Variants in KRT6C observed in about 807,000 individuals in gnomAD.
KRT6C encodes the protein keratin, type II cytoskeletal 6C.
A neutral mutation model predicts 49.4 loss-of-function variants in KRT6C; 46 were observed. The ratio of observed to expected loss-of-function variants is 0.93; its 90% CI spans 0.74 to 1.19. The LOEUF (loss-of-function observed/expected upper bound fraction) is 1.19. Among genes scored for constraint, KRT6C ranks in the 50% most tolerant of loss-of-function variants. The pLI, the probability that KRT6C is intolerant of heterozygous loss-of-function variation, is 0.00. For missense variants in KRT6C, 552 were observed against 737.5 expected (o/e 0.75, Z 2.91); for synonymous variants, 236 against 297.1 (o/e 0.79, Z 2.12).
In KRT6C at chr12:52,471,726, C is replaced by T; in HGVS notation, c.762G>A (p.Glu254=). 1.2e-6 allele frequency: 2 copies of T among 1,613,732 alleles called. No individual in the cohort carries two copies. Among genetic ancestry groups the T allele is most frequent in the Non-Finnish European group, 1.7e-6 (2 of 1,179,812 alleles). ...DLVEDLKNKY[E]DEINKRTAAE... Reference sequence around the variant, plus strand: ...CTGCTGTGCGCTTGTTGATTTCATCCTCATATCTACAGGAAGAAAGGCATA... The same window carrying T: ...CTGCTGTGCGCTTGTTGATTTCATCTTCATATCTACAGGAAGAAAGGCATA... Residue 254 remains glutamate, a synonymous_variant, in exon 3 of 9, where the codon GAG becomes GAA. Coordinates refer to ENST00000252250, the MANE Select transcript of KRT6C (RefSeq NM_173086.5).
chr12:52,468,748 T>G lies in KRT6C; in HGVS notation c.*314A>C. 2 of 376,528 alleles carry G rather than the reference T, an allele frequency of 5.3e-6. No homozygotes were observed. 23.3% of individuals were successfully genotyped at this position (376,528 alleles called of 1,614,324 possible). On this transcript the variant is annotated 3_prime_UTR_variant, in exon 9 of 9. Transcript: ENST00000252250. Reference sequence around the variant, plus strand: ...TTTCAGTAATGAAAAGGAACAGAGATCATTTTCTTATAATGCTCAGCCTCA... The same window carrying G: ...TTTCAGTAATGAAAAGGAACAGAGAGCATTTTCTTATAATGCTCAGCCTCA...
rs147501308 is a variant in KRT6C, at chr12:52,469,073, A to T, written c.1684T>A (p.Tyr562Asn). The change falls in exon 9 of 9, where the codon TAC becomes AAC. Residue 562 changes from tyrosine to asparagine, a missense_variant. Around this residue, in one of 3 missense-constraint regions of KRT6C, gnomAD observed 425 missense variants for 439.4 expected, o/e 0.97. Transcript: ENST00000252250. The part of the protein sequence containing the change: ...TTTSSSSRKS[Y>N]KH ...CTGGAGGCAGCACTTTAGTGCTTGT[A>T]GCTCTTCCTGCTGGAGGAGGAGGTG... 6.2e-7 allele frequency: 1 copy of T among 1,614,112 alleles called. No homozygotes were observed. Among genetic ancestry groups the T allele is most frequent in the Non-Finnish European group, 8.5e-7 (1 of 1,179,994 alleles).
chr12:52,470,573 G>T lies in KRT6C; in HGVS notation c.1135C>A (p.Gln379Lys). Residue 379 changes from glutamine (Q) to lysine (K), a missense_variant, in exon 6 of 9, where the codon CAG becomes AAG. Around this residue, in one of 3 missense-constraint regions of KRT6C, gnomAD observed 425 missense variants for 439.4 expected, o/e 0.97. Coordinates refer to ENST00000252250, the MANE Select transcript of KRT6C (RefSeq NM_173086.5). ...RHGDDLRNTK[Q>K]EIAEINRMIQ... is the part of the protein sequence containing the mutation. ...ATGCGGTTGATCTCAGCAATCTCCT[G>T]CTTGGTGTTGCGCAGGTCGTCCCCA... 1.9e-6 allele frequency: 3 copies of T among 1,614,052 alleles called. No individual in the cohort carries two copies. The highest frequency in any genetic ancestry group is 2.5e-6 in the Non-Finnish European group (3 of 1,180,030).
rs77737438 is a variant in KRT6C at position 52,468,596 on chromosome 12, T to A, written c.*466A>T. The A allele has an allele frequency of 2.5e-3, 511 of 206,262 alleles. 2 individuals are homozygous for A. The highest frequency in any genetic ancestry group is 3.8e-3 in the Non-Finnish European group (389 of 101,118). 12.8% of individuals were successfully genotyped at this position (206,262 alleles called of 1,614,324 possible). A position where few individuals can be genotyped will look rare whatever the true frequency, so the allele number is the denominator to read the frequency against. On this transcript the variant is annotated 3_prime_UTR_variant, in exon 9 of 9. Coordinates refer to ENST00000252250, the MANE Select transcript of KRT6C (RefSeq NM_173086.5). The stretch of plus-strand genomic sequence containing the variant: ...ATCACAGGGAGAAAGACTGTGTACA[T>A]CATACGACTAGTCACTTGTGCTTCC...
In KRT6C at chr12:52,468,648, A is replaced by T. The variant is rs1247480845; in HGVS notation, c.*414T>A. On this transcript the variant is annotated 3_prime_UTR_variant, in exon 9 of 9. Coordinates refer to ENST00000252250, the MANE Select transcript of KRT6C (RefSeq NM_173086.5). ...TGCATACTGCGGGGCGGGGGTTCAC[A>T]ATACTTTTAACTTAGGGAGTTTGGG... 1 of 255,968 alleles carries T rather than the reference A, an allele frequency of 3.9e-6. No homozygotes were observed. Among genetic ancestry groups the T allele is most frequent in the Admixed American group, 5.0e-5 (1 of 19,888 alleles). 15.9% of individuals were successfully genotyped at this position (255,968 alleles called of 1,614,324 possible).
rs117030701 is a variant in KRT6C at position 52,472,116 on chromosome 12, C to T, written c.705G>A (p.Leu235=). 133,239 of 1,596,392 alleles carry T rather than the reference C, an allele frequency of 0.083. 7,586 individuals are homozygous for T. The highest frequency in any genetic ancestry group is 0.097 in the Non-Finnish European group (113,700 of 1,171,938). Reference sequence around the variant, plus strand: ...CCTGCATGTTTCTCAGCTCCGAGTCCAGGCGGCCCCGTTCCCCGACGATGC... The same window carrying T: ...CCTGCATGTTTCTCAGCTCCGAGTCTAGGCGGCCCCGTTCCCCGACGATGC... The part of the protein sequence containing the change: ...LDSIVGERGR[L]DSELRNMQDL... Residue 235 remains leucine, a synonymous_variant, in exon 2 of 9, where the codon CTG becomes CTA. Transcript: ENST00000252250.
In KRT6C at chr12:52,472,139, T is replaced by C. The variant is rs1486622558; in HGVS notation, c.682A>G (p.Ile228Val). The C allele has an allele frequency of 6.5e-7, 1 of 1,543,580 alleles. No homozygotes were observed. The highest frequency in any genetic ancestry group is 8.9e-7 in the Non-Finnish European group (1 of 1,124,382). The change falls in exon 2 of 9, where the codon ATC becomes GTC. Residue 228 changes from isoleucine to valine, a missense_variant. By Grantham distance (29) the Ile-to-Val change is conservative (BLOSUM62 3). Coordinates refer to ENST00000252250, the MANE Select transcript of KRT6C (RefSeq NM_173086.5). The part of the protein sequence containing the change: ...INNLRRQLDS[I>V]VGERGRLDSE... ...TCCAGGCGGCCCCGTTCCCCGACGA[T>C]GCTGTCCAGCTGCCTCCTGAGGTTG...
intron 3 of KRT6C, 36 bp downstream of exon 3, chr12:52,471,636 C>G (rs1395133696): frequency 6.2e-7 from 1 of 1,606,496 alleles, no homozygotes; most frequent in African/African-American, 1.4e-5. Context: ...TTCTCTCCTT[C>G]TAAATGAATT....
At position 52,473,746 on chromosome 12, in the gene KRT6C, G is replaced by C. The variant is rs1415170078; in HGVS notation, c.-9C>G. ...GTGGATGTGCTGGCCATGGTTCCAG[G>C]AGATGAGAGGGCTGTGGCGAGCGTT... On this transcript the variant is annotated 5_prime_UTR_variant, in exon 1 of 9. Coordinates refer to ENST00000252250, the MANE Select transcript of KRT6C (RefSeq NM_173086.5). 3.7e-6 allele frequency: 6 copies of C among 1,613,996 alleles called. No individual in the cohort carries two copies. Among genetic ancestry groups the C allele is most frequent in the Non-Finnish European group, 4.2e-6 (5 of 1,180,046 alleles).
rs769961009 is a variant in KRT6C, at chr12:52,471,691, T to G, written c.797A>C (p.Glu266Ala). Residue 266 changes from glutamate (E) to alanine (A), a missense_variant, in exon 3 of 9, where the codon GAA becomes GCA. By Grantham distance (107) the Glu-to-Ala change is moderately radical. Transcript: ENST00000252250. ...GCTCACCTTCTTCAGAGTCACAAAT[T>G]CATTCTCTGCTGCTGTGCGCTTGTT... ...EINKRTAAEN[E>A]FVTLKKDVDA... is the part of the protein sequence containing the mutation. The G allele has an allele frequency of 3.7e-6, 6 of 1,613,204 alleles. No individual in the cohort carries two copies. In the Admixed American group the frequency reaches 8.3e-5, roughly 22 times the overall value.
intron 5 of KRT6C, 77 bp from the exon 6 acceptor site, chr12:52,470,707 T>C (rs1379591149): frequency 6.2e-7 from 1 of 1,612,356 alleles, no homozygotes; most frequent in Non-Finnish European, 8.5e-7. Context: ...TTGTGTATCA[T>C]GCATGTCATG....
chr12:52,469,963 C>A, intron 6 of KRT6C, 73 bp from the exon 7 acceptor site: 6 of 1,559,714 alleles, frequency 3.8e-6, no homozygotes, highest in Non-Finnish European at 5.3e-6. Flanking sequence ...TTTAGTGAAC[C>A]AGGGTCCTGT....
In KRT6C at chr12:52,473,691, C is replaced by T. The variant is rs145690917; in HGVS notation, c.47G>A (p.Arg16Gln). 3.9e-5 allele frequency: 63 copies of T among 1,613,314 alleles called. 1 individual carries two copies. In the African/African-American group the frequency reaches 5.1e-4, roughly 13 times the overall value. Residue 16 changes from arginine to glutamine, a missense_variant, in exon 1 of 9, where the codon CGG (arginine) becomes CAG (glutamine). Around this residue, in one of 3 missense-constraint regions of KRT6C, gnomAD observed 73 missense variants for 102.1 expected, o/e 0.71. Coordinates refer to ENST00000252250, the MANE Select transcript of KRT6C (RefSeq NM_173086.5). ...CCTGGCTGAGTTGGCACTGAAACCC[C>T]GGCGGCTGCTGCTGTGGCTCCTGAT... Reference protein sequence around the residue: ...TTIRSHSSSRRGFSANSARLP... With the variant: ...TTIRSHSSSRQGFSANSARLP...
chr12:52,472,044 C>T (rs1311044301), intron 2 of KRT6C, 22 bp downstream of exon 2: 14 of 1,485,968 alleles, frequency 9.4e-6, no homozygotes, highest in Non-Finnish European at 1.2e-5. Context: ...GAAGTGTGTG[C>T]TGCAGGAAAT....
chr12:52,469,773 G>T lies in KRT6C; in HGVS notation c.1321C>A (p.Leu441Met), dbSNP rs778822904. The T allele has an allele frequency of 2.5e-6, 4 of 1,614,028 alleles. No homozygotes were observed. Among genetic ancestry groups the T allele is most frequent in the Non-Finnish European group, 3.4e-6 (4 of 1,180,018 alleles). The change falls in exon 7 of 9, where the codon CTG becomes ATG. Residue 441 changes from leucine to methionine, a missense_variant. This residue lies in a region of KRT6C where 425 missense variants were observed against 439.4 expected (regional missense o/e 0.97). Transcript: ENST00000252250. ...EDALQKAKQD[L>M]ARLLKEYQEL... ...TGGTACTCCTTCAGCAGCCGGGCCA[G>T]GTCCTGCTTGGCCTTCTGCAGGGCA...
In KRT6C at chr12:52,469,752, A is replaced by T; in HGVS notation, c.1342T>A (p.Tyr448Asn). ...KQDLARLLKE[Y>N]QELMNVKLAL... ...AGCTTGACATTCATCAGCTCCTGGT[A>T]CTCCTTCAGCAGCCGGGCCAGGTCC... The change falls in exon 7 of 9, where the codon TAC becomes AAC. Residue 448 changes from tyrosine to asparagine, a missense_variant. Tyr to Asn is a moderately radical substitution (Grantham distance 143). Transcript: ENST00000252250. 1 of 1,613,632 alleles carries T rather than the reference A, an allele frequency of 6.2e-7. No individual in the cohort carries two copies. Among genetic ancestry groups the T allele is most frequent in the South Asian group, 1.1e-5 (1 of 91,036 alleles).
Position 52,473,681 on chromosome 12 carries a change from A to C in KRT6C, c.57T>G (p.Ser19Arg), listed in dbSNP as rs947797237. ...CCCCAGGGAGCCTGGCTGAGTTGGC[A>C]CTGAAACCCCGGCGGCTGCTGCTGT... ...RSHSSSRRGF[S>R]ANSARLPGVS... The change falls in exon 1 of 9, where the codon AGT becomes AGG. Residue 19 changes from serine (S) to arginine (R), a missense_variant. This residue lies in a region of KRT6C where 73 missense variants were observed against 102.1 expected (regional missense o/e 0.71). Transcript: ENST00000252250. The C allele has an allele frequency of 6.2e-7, 1 of 1,613,356 alleles. No individual in the cohort carries two copies. The highest frequency in any genetic ancestry group is 8.5e-7 in the Non-Finnish European group (1 of 1,179,950).
intron 5 of KRT6C, among the ~76,000 whole-genome samples, 171 bp from the exon 6 acceptor site, chr12:52,470,801 A>G (rs190920120): frequency 1.5e-4 from 23 of 152,248 alleles, no homozygotes; most frequent in Admixed American, 5.2e-4. Context: ...CTGGAGTCAC[A>G]GACGATCCTC....
chr12:52,472,327 A>C (rs199925866), intron 1 of KRT6C, 47 bp from the exon 2 acceptor site: 1 of 1,375,616 alleles, frequency 7.3e-7, no homozygotes, highest in East Asian at 3.3e-5. Flanking sequence ...GGAAGGAAGA[A>C]AAAGTGTCTG....
Sources: allele counts gnomAD v4.1 joint callset (sites outside exome capture counted in the v4.1 genomes callset), GRCh38; gene constraint gnomAD v4.1.1; regional missense constraint gnomAD v4.1.1; transcripts MANE v1.5; gene names NCBI Gene and HGNC (gene_info 2026-07-23, HGNC 2026-07-21).